Variants in LDLRAD4 observed in about 807,000 individuals in gnomAD.
LDLRAD4 encodes the protein low-density lipoprotein receptor class A domain-containing protein 4.
Under a neutral mutation model 17.0 loss-of-function variants are expected in LDLRAD4, and 5 were observed. That is an observed-to-expected ratio of 0.29 (90% CI 0.15 to 0.62). The LOEUF (loss-of-function observed/expected upper bound fraction) is 0.62, where lower values mean the gene tolerates loss of function less well. LDLRAD4 is among the 20% of genes least tolerant of loss of function. LDLRAD4 has a pLI of 0.84. For missense variants in LDLRAD4, 340 were observed against 424.7 expected (o/e 0.80, Z 1.75); for synonymous variants, 168 against 171.8 (o/e 0.98, Z 0.17).
chr18:13,601,462 C>CA (rs1340185264), intron 3 of LDLRAD4, among the ~76,000 whole-genome samples: 3 of 151,912 alleles, frequency 2.0e-5, no homozygotes, highest in Non-Finnish European at 2.9e-5. Flanking sequence ...ATTAAAAAGA[C>CA]AAAAAATAAC....
intron 2 of LDLRAD4, among the ~76,000 whole-genome samples, chr18:13,390,702 G>T (rs1029087734): frequency 3.3e-5 from 5 of 152,176 alleles, no homozygotes; most frequent in South Asian, 2.1e-4. Flanking sequence ...CAGCAGGGGG[G>T]ATCAAAATAA....
At chr18:13,545,840 C>T (rs906384607) in intron 3 of LDLRAD4, among the ~76,000 whole-genome samples, 1 of 152,164 alleles carries the variant, frequency 6.6e-6, no homozygotes, top group African/African-American at 2.4e-5. Flanking sequence ...CAGGGAAAGC[C>T]AATGGGGCAG....
chr18:13,432,700 T>C (rs2090421771), intron 2 of LDLRAD4, among the ~76,000 whole-genome samples: 1 of 152,204 alleles, frequency 6.6e-6, no homozygotes, highest in Non-Finnish European at 1.5e-5. Context: ...TTATTTTCCA[T>C]CTTCACTGAA....
chr18:13,237,529 A>G (rs1184277726), intron 1 of LDLRAD4, among the ~76,000 whole-genome samples: 1 of 152,216 alleles, frequency 6.6e-6, no homozygotes. Context: ...CCCACGGCCA[A>G]GTGGAACTGG....
intron 1 of LDLRAD4, among the ~76,000 whole-genome samples, chr18:13,266,363 T>C (rs1281674134): frequency 6.6e-6 from 1 of 152,080 alleles, no homozygotes; most frequent in Non-Finnish European, 1.5e-5. Flanking sequence ...CCTGCACAAC[T>C]CCTGGTACCT....
intron 2 of LDLRAD4, among the ~76,000 whole-genome samples, chr18:13,396,179 A>G (rs2145413568): frequency 6.6e-6 from 1 of 152,310 alleles, no homozygotes; most frequent in African/African-American, 2.4e-5. Context: ...TTATGTTGGC[A>G]TTTGTAGAAT....
At chr18:13,470,221 A>G (rs1020729601) in intron 3 of LDLRAD4, among the ~76,000 whole-genome samples, 2 of 152,090 alleles carry the variant, frequency 1.3e-5, no homozygotes, top group African/African-American at 4.8e-5. Flanking sequence ...GGGCTGCAGA[A>G]ATGTTTGTAG....
intron 3 of LDLRAD4, among the ~76,000 whole-genome samples, chr18:13,513,920 A>G (rs1324677060): frequency 1.3e-5 from 2 of 152,226 alleles, no homozygotes; most frequent in Non-Finnish European, 2.9e-5. Context: ...TTCAGCAGAA[A>G]GTAATATAGG....
intron 3 of LDLRAD4, chr18:13,526,464 A>C (rs933446187): frequency 6.6e-6 from 1 of 152,280 alleles, no homozygotes; most frequent in Admixed American, 6.5e-5. Context: ...ATAAAAAAGC[A>C]ATTAAAAAGT....
intron 3 of LDLRAD4, among the ~76,000 whole-genome samples, chr18:13,550,730 G>A (rs1366654434): frequency 1.3e-5 from 2 of 152,186 alleles, no homozygotes; most frequent in Non-Finnish European, 2.9e-5. Flanking sequence ...ACAGCCCTCC[G>A]GCCATCCAGA....
chr18:13,300,512 C>T lies in LDLRAD4; in HGVS notation c.-383+22324C>T, dbSNP rs758509157. Among the ~76,000 whole-genome samples, 11 of 152,338 alleles carry T rather than the reference C, an allele frequency of 7.2e-5. No individual in the cohort carries two copies. The highest frequency in any genetic ancestry group is 2.2e-4 in the African/African-American group (9 of 41,576). On this transcript the variant is annotated intron_variant, in intron 1 of 5. Transcript: ENST00000359446. This position sits in a 1 kb window ranked among gnomAD's most constrained non-coding sequence, Gnocchi z 4.2. ...CGGTGCCAGCATGGAGCCCCATTGT[C>T]CTCACTCTTCCTCCTGGGCCTGTCC...
At chr18:13,318,065 G>C (rs79371417) in intron 1 of LDLRAD4, among the ~76,000 whole-genome samples, 1 of 152,002 alleles carries the variant, frequency 6.6e-6, no homozygotes, top group Admixed American at 6.6e-5. Flanking sequence ...TCTGCCACTC[G>C]TCCGGTCCCT....
At chr18:13,591,450 C>G (rs1217887638) in intron 3 of LDLRAD4, among the ~76,000 whole-genome samples, 3 of 139,822 alleles carry the variant, frequency 2.1e-5, no homozygotes, top group African/African-American at 8.1e-5. Context: ...GTGTGTGTGT[C>G]TCTGTGTGTG....
intron 3 of LDLRAD4, among the ~76,000 whole-genome samples, chr18:13,453,774 C>T (rs2091970909): frequency 6.6e-6 from 1 of 152,210 alleles, no homozygotes; most frequent in Non-Finnish European, 1.5e-5. Flanking sequence ...CCTGCCCTTC[C>T]CTCTGTTGCC....
chr18:13,249,171 T>A (rs2043112939), intron 1 of LDLRAD4, among the ~76,000 whole-genome samples: 2 of 152,250 alleles, frequency 1.3e-5, no homozygotes, highest in Non-Finnish European at 2.9e-5. Context: ...CTAGGTTGAT[T>A]CTGTATCTTG....
intron 1 of LDLRAD4, among the ~76,000 whole-genome samples, chr18:13,291,768 C>T (rs529575957): frequency 6.6e-6 from 1 of 152,224 alleles, no homozygotes; most frequent in African/African-American, 2.4e-5. Flanking sequence ...ATTTCATGAC[C>T]AATGTAATTT....
intron 3 of LDLRAD4, chr18:13,500,522 C>G (rs1191759689): frequency 6.6e-6 from 1 of 152,242 alleles, no homozygotes; most frequent in Non-Finnish European, 1.5e-5. Context: ...ATTCCCAGCT[C>G]CTCAGAGAGG....
intron 3 of LDLRAD4, among the ~76,000 whole-genome samples, chr18:13,510,415 A>T (rs1182877012): frequency 6.6e-6 from 1 of 152,126 alleles, no homozygotes; most frequent in African/African-American, 2.4e-5. Flanking sequence ...TTCTAGCTCT[A>T]AAACTATTTG....
chr18:13,321,861 C>CAAAAAAAAAAAAAAAAAAAAAAAAAA lies in LDLRAD4; in HGVS notation c.-383+43689_-383+43714dup, dbSNP rs57033432. Among the ~76,000 whole-genome samples the CAAAAAAAAAAAAAAAAAAAAAAAAAA allele has an allele frequency of 1.3e-4, 8 of 62,142 alleles. 1 individual carries two copies. Among genetic ancestry groups the CAAAAAAAAAAAAAAAAAAAAAAAAAA allele is most frequent in the Admixed American group, 4.9e-4 (2 of 4,098 alleles). 40.8% of individuals were successfully genotyped at this position (62,142 alleles called of 152,430 possible). A position where few individuals can be genotyped will look rare whatever the true frequency, so the allele number is the denominator to read the frequency against. ...AGGCAACAACAGCGAGACTCCGTCT[C>CAAAAAAAAAAAAAAAAAAAAAAAAAA]AAAAAAAAAAAAAAAAAAAAAAAAA... On this transcript the variant is annotated intron_variant, in intron 1 of 5. Transcript: ENST00000359446.
Sources: gnomAD v4.1 joint callset for allele counts (sites outside exome capture counted in the v4.1 genomes callset) on GRCh38, gnomAD v4.1.1 for gene constraint, Gnocchi (gnomAD v3.1) non-coding constraint, MANE v1.5 for transcripts, NCBI Gene and HGNC (gene_info 2026-07-23, HGNC 2026-07-21) for gene names.